PLXNB3: variants seen among roughly 807,000 people sequenced by gnomAD.
PLXNB3 encodes plexin-B3.
Under a neutral mutation model 125.7 loss-of-function variants are expected in PLXNB3, and 80 were observed. The observed-to-expected ratio is 0.64, with a 90% CI of 0.53 to 0.77. The LOEUF (loss-of-function observed/expected upper bound fraction) is 0.77, where lower values mean the gene tolerates loss of function less well. Ranked by LOEUF, PLXNB3 falls within the 30% of genes least tolerant of loss-of-function variation. The probability of loss-of-function intolerance (pLI) is 0.00; values close to 1 mark genes in which losing one functional copy is unlikely to be tolerated. For missense variants in PLXNB3, 1,836 were observed against 1,729.3 expected (o/e 1.06, Z -1.09); for synonymous variants, 954 against 783.3 (o/e 1.22, Z -3.64).
intron 10 of PLXNB3, 54 bp downstream of exon 10, chrX:153,770,696 C>T: frequency 8.3e-7 from 1 of 1,206,286 alleles, no homozygotes; most frequent in Non-Finnish European, 1.1e-6. Flanking sequence ...TCCACCCTTC[C>T]CAGACCCGCC....
Position 153,774,809 on chromosome X carries a change from G to A in PLXNB3, c.3931+3G>A. On this transcript the variant is annotated splice_donor_region_variant and intron_variant, in intron 23 of 35. Coordinates refer to ENST00000361971, the MANE Select transcript of PLXNB3 (RefSeq NM_005393.3). ...CCAGTGCCGCAAGGAGTTCACAGGTGGGTGCGGAGGCGGGGGGACAGGGTA... is the reference window on the plus strand; with the variant it reads ...CCAGTGCCGCAAGGAGTTCACAGGTAGGTGCGGAGGCGGGGGGACAGGGTA... 8.3e-7 allele frequency: 1 copy of A among 1,209,360 alleles called. No individual in the cohort carries two copies. The highest frequency in any genetic ancestry group is 1.1e-6 in the Non-Finnish European group (1 of 894,437).
intron 4 of PLXNB3, among the ~76,000 whole-genome samples, chrX:153,768,744 C>T (rs781938425): frequency 1.3e-4 from 15 of 112,307 alleles, no homozygotes; most frequent in South Asian, 3.7e-4. Flanking sequence ...CCCAGGGTGC[C>T]GCTGCTGCCC....
intron 8 of PLXNB3, 29 bp from the exon 9 acceptor site, chrX:153,770,309 C>T: frequency 8.3e-7 from 1 of 1,201,024 alleles, no homozygotes. Context: ...AGCCACCTGA[C>T]CTGTCCTGCC....
intron 15 of PLXNB3, 28 bp downstream of exon 15, chrX:153,772,043 T>G (rs1557062163): frequency 8.5e-7 from 1 of 1,171,361 alleles, no homozygotes; most frequent in African/African-American, 1.8e-5. Flanking sequence ...TGAAGATGGG[T>G]GGGGAGGCCC....
Position 153,775,147 on chromosome X carries a change from G to A in PLXNB3, c.4155+44G>A, listed in dbSNP as rs371663536. ...GAGTGCCCAGTGGGCAAGGAGGTGGGGCTGGGGAACTACTGGCCTGAGACA... is the reference window on the plus strand; with the variant it reads ...GAGTGCCCAGTGGGCAAGGAGGTGGAGCTGGGGAACTACTGGCCTGAGACA... On this transcript the variant is annotated intron_variant, in intron 24 of 35. Coordinates refer to ENST00000361971, the MANE Select transcript of PLXNB3 (RefSeq NM_005393.3). 4.2e-5 allele frequency: 49 copies of A among 1,162,540 alleles called. No homozygotes were observed. The African/African-American group carries it at 4.7e-4, about 11-fold the overall frequency.
chrX:153,777,856 T>A, intron 31 of PLXNB3, 92 bp from the exon 32 acceptor site: 1 of 1,111,086 alleles, frequency 9.0e-7, no homozygotes, highest in Non-Finnish European at 1.2e-6. Context: ...GGCCCCTGGC[T>A]CCGAGTGTGT....
At chrX:153,770,671 C>T (rs201865269) in intron 10 of PLXNB3, 29 bp downstream of exon 10, 15 of 1,206,011 alleles carry the variant, frequency 1.2e-5, no homozygotes, top group Middle Eastern at 2.3e-4. Flanking sequence ...CGGGCAGAGA[C>T]AGGGCTGTCC....
chrX:153,768,041 C>T, intron 3 of PLXNB3, 128 bp downstream of exon 3: 1 of 776,599 alleles, frequency 1.3e-6, no homozygotes, highest in Non-Finnish European at 1.8e-6. Flanking sequence ...GTCTCCAGGT[C>T]TCCTGCCTGC....
intron 29 of PLXNB3, 80 bp downstream of exon 29, chrX:153,777,060 C>A (rs1603250608): frequency 1.0e-5 from 10 of 974,234 alleles, no homozygotes; most frequent in African/African-American, 9.7e-5. Context: ...TCTGCCTCAA[C>A]TTCATCCCCC....
Position 153,777,244 on chromosome X carries a change from T to G in PLXNB3, c.4964T>G (p.Val1655Gly). Residue 1655 changes from valine (V) to glycine (G), a missense_variant, in exon 30 of 36, where the codon GTG becomes GGG. Transcript: ENST00000361971. ...PTLEDGEEGG[V>G]CLWHLVKATE... Reference sequence around the variant, plus strand: ...CTGGAGGATGGCGAGGAGGGGGGGGTGTGCCTCTGGCACCTGGTGAAAGCC... The same window carrying G: ...CTGGAGGATGGCGAGGAGGGGGGGGGGTGCCTCTGGCACCTGGTGAAAGCC... The G allele has an allele frequency of 1.7e-6, 2 of 1,166,297 alleles. No individual in the cohort carries two copies. Among genetic ancestry groups the G allele is most frequent in the Non-Finnish European group, 1.1e-6 (1 of 872,227 alleles).
intron 1 of PLXNB3, among the ~76,000 whole-genome samples, chrX:153,764,664 G>A (rs782704442): frequency 3.5e-5 from 4 of 112,909 alleles, no homozygotes; most frequent in South Asian, 7.2e-4. Flanking sequence ...TACTGCTGCC[G>A]TGCTGTGGGG....
intron 14 of PLXNB3, 94 bp downstream of exon 14, chrX:153,771,749 C>T: frequency 2.1e-5 from 23 of 1,119,867 alleles, no homozygotes; most frequent in East Asian, 3.2e-5. Flanking sequence ...CTGCCCCAGG[C>T]CCCCAAACCC....
chrX:153,775,712 C>T, intron 26 of PLXNB3, 52 bp downstream of exon 26: 9 of 1,152,384 alleles, frequency 7.8e-6, no homozygotes, highest in Non-Finnish European at 9.5e-6. Flanking sequence ...GACTCCTCCC[C>T]TCTTGCCATG....
intron 16 of PLXNB3, 59 bp downstream of exon 16, chrX:153,772,346 G>A (rs376327665): frequency 1.2e-5 from 10 of 862,355 alleles, no homozygotes; most frequent in Non-Finnish European, 8.4e-6. Context: ...GGCCAGGAAG[G>A]ACAGGCGCCT....
rs782508058 is a variant in PLXNB3, at chrX:153,768,440, G to T, written c.1266+12G>T. On this transcript the variant is annotated intron_variant, in intron 4 of 35. Coordinates refer to ENST00000361971, the MANE Select transcript of PLXNB3 (RefSeq NM_005393.3). Reference sequence around the variant, plus strand: ...GCCAGCTGTACAAGGTGAGGGCCCGGCCTTGCTGTCCGGCTGGGTGTGCCC... The same window carrying T: ...GCCAGCTGTACAAGGTGAGGGCCCGTCCTTGCTGTCCGGCTGGGTGTGCCC... 8 of 1,178,259 alleles carry T rather than the reference G, an allele frequency of 6.8e-6. No individual in the cohort carries two copies. The highest frequency in any genetic ancestry group is 3.1e-5 in the East Asian group (1 of 32,652).
Position 153,775,403 on chromosome X carries a change from G to C in PLXNB3, c.4334G>C (p.Arg1445Thr). The change falls in exon 25 of 36, where the codon AGG becomes ACG. Residue 1445 changes from arginine (R) to threonine (T), a missense_variant and splice_region_variant. By Grantham distance (71) the Arg-to-Thr change is moderately conservative (BLOSUM62 -1). Transcript: ENST00000361971. ...AGGAACCCCAAGCTCATGCTACGCA[G>C]GTTGGCCTTGACCTGGACCCGGTGG... ...VHRNPKLMLR[R>T]TETMVEKLLT... is the part of the protein sequence containing the mutation. 8.3e-7 allele frequency: 1 copy of C among 1,204,795 alleles called. No homozygotes were observed. The highest frequency in any genetic ancestry group is 1.1e-6 in the Non-Finnish European group (1 of 892,062).
intron 32 of PLXNB3, 30 bp downstream of exon 32, chrX:153,778,125 C>T (rs782362057): frequency 8.3e-7 from 1 of 1,208,812 alleles, no homozygotes; most frequent in South Asian, 1.8e-5. Flanking sequence ...CAGCAGCTGG[C>T]AGGGGCTTGA....
chrX:153,773,154 C>T, intron 17 of PLXNB3, 76 bp from the exon 18 acceptor site: 1 of 1,105,039 alleles, frequency 9.0e-7, no homozygotes, highest in Non-Finnish European at 1.2e-6. Flanking sequence ...CAGGGCTTCT[C>T]CTACGGGGGT....
chrX:153,769,341 C>G (rs782664107), intron 6 of PLXNB3, 79 bp downstream of exon 6: 1 of 858,701 alleles, frequency 1.2e-6, no homozygotes, highest in Non-Finnish European at 1.6e-6. Context: ...TAGCCCTAGG[C>G]GTGCCGGGAG....
Sources: allele counts gnomAD v4.1 joint callset (sites outside exome capture counted in the v4.1 genomes callset), GRCh38; gene constraint gnomAD v4.1.1; transcripts MANE v1.5; gene names NCBI Gene and HGNC (gene_info 2026-07-23, HGNC 2026-07-21).